Variants in PRDM2 observed in about 807,000 individuals in gnomAD.
The protein encoded by PRDM2 is PR/SET domain 2.
In PRDM2, 30 loss-of-function variants were observed where a neutral mutation model predicts 130.0. That is an observed-to-expected ratio of 0.23 (90% CI 0.17 to 0.31). PRDM2 has a LOEUF of 0.31. PRDM2 is among the 10% of genes least tolerant of loss of function. The pLI is 1.00. For synonymous variants in PRDM2, 871 were observed against 782.4 expected (o/e 1.11, Z -1.89); for missense variants, 2,011 against 2,108.4 (o/e 0.95, Z 0.90).
intron 4 of PRDM2, among the ~76,000 whole-genome samples, chr1:13,735,679 A>G (rs991140138): frequency 2.0e-5 from 3 of 152,184 alleles, no homozygotes; most frequent in African/African-American, 7.2e-5. Context: ...ATCCTACAGC[A>G]GAGCGGGGCA....
chr1:13,709,149 G>GTT (rs763989286), intron 1 of PRDM2, among the ~76,000 whole-genome samples: 4 of 142,526 alleles, frequency 2.8e-5, no homozygotes, highest in Non-Finnish European at 3.1e-5. Context: ...GAAGTTTACA[G>GTT]TTTTTTTTTT....
At chr1:13,752,758 A>G (rs1643871735) in intron 6 of PRDM2, among the ~76,000 whole-genome samples, 1 of 152,218 alleles carries the variant, frequency 6.6e-6, no homozygotes, top group Non-Finnish European at 1.5e-5. Context: ...AGTGGAAGGA[A>G]TGAAAAAGAC....
At chr1:13,711,084 CAAAAA>C (rs55784865) in intron 1 of PRDM2, among the ~76,000 whole-genome samples, 1 of 138,190 alleles carries the variant, frequency 7.2e-6, no homozygotes, top group Non-Finnish European at 1.6e-5. Context: ...GGCTCTGTCT[CAAAAA>C]AAAAAAAAAA....
intron 8 of PRDM2, among the ~76,000 whole-genome samples, chr1:13,790,642 C>G (rs1173845357): frequency 6.6e-6 from 1 of 152,154 alleles, no homozygotes; most frequent in African/African-American, 2.4e-5. Context: ...GATGACGTGA[C>G]CGTTAAGATT....
At chr1:13,739,148 G>C (rs1438244954) in intron 4 of PRDM2, among the ~76,000 whole-genome samples, 1 of 151,412 alleles carries the variant, frequency 6.6e-6, no homozygotes, top group Non-Finnish European at 1.5e-5. Context: ...CCGTGTTCAC[G>C]CCATTCTCCT....
intron 2 of PRDM2, among the ~76,000 whole-genome samples, chr1:13,720,031 A>G (rs979922256): frequency 3.3e-5 from 5 of 152,168 alleles, no homozygotes; most frequent in African/African-American, 9.7e-5. Flanking sequence ...TCCGTCATGT[A>G]TTGCTGCCAC....
intron 8 of PRDM2, among the ~76,000 whole-genome samples, chr1:13,802,989 C>T (rs1190874963): frequency 6.6e-6 from 1 of 152,222 alleles, no homozygotes. Flanking sequence ...CGCTCCTCCA[C>T]CCTGCTGGGC....
chr1:13,816,433 C>A lies in PRDM2; in HGVS notation c.5043C>A (p.Ser1681Arg). The A allele has an allele frequency of 4.3e-6, 7 of 1,614,126 alleles. No individual in the cohort carries two copies. Among genetic ancestry groups the A allele is most frequent in the African/African-American group, 1.3e-5 (1 of 75,052 alleles). Residue 1681 changes from serine to arginine, a missense_variant, in exon 9 of 10, where the codon AGC becomes AGA. By Grantham distance (110) the Ser-to-Arg change is moderately radical. Around this residue, in one of 5 missense-constraint regions of PRDM2, gnomAD observed 410 missense variants for 395.9 expected, o/e 1.04. Coordinates refer to ENST00000311066, the MANE Select transcript of PRDM2 (RefSeq NM_001393986.1). ...TGTTCCTCTTCCTGCACAGCTACAG[C>A]CTCCGCTTGGCGTCCCGATGCTCTC... is the stretch of plus-strand genomic sequence containing the variant. The part of the protein sequence containing the change: ...AKQELKDFSY[S>R]LRLASRCSPP...
chr1:13,788,993 T>C (rs996195359), intron 8 of PRDM2, among the ~76,000 whole-genome samples: 7 of 152,118 alleles, frequency 4.6e-5, no homozygotes, highest in Non-Finnish European at 4.4e-5. Flanking sequence ...GGAGATCTTT[T>C]CTCCTGGATC....
intron 8 of PRDM2, among the ~76,000 whole-genome samples, chr1:13,789,194 T>TA (rs1184845295): frequency 1.3e-5 from 2 of 152,204 alleles, no homozygotes; most frequent in Non-Finnish European, 2.9e-5. Flanking sequence ...TCTTCTTTGA[T>TA]AGAGTTAAAC....
chr1:13,735,534 TTTC>T (rs1164684680), intron 4 of PRDM2, among the ~76,000 whole-genome samples: 1 of 152,230 alleles, frequency 6.6e-6, no homozygotes, highest in Admixed American at 6.5e-5. Flanking sequence ...TTTTTTTTCT[TTTC>T]TTCTTTTTCT....
At chr1:13,811,495 G>T (rs1645172791) in intron 8 of PRDM2, among the ~76,000 whole-genome samples, 1 of 152,216 alleles carries the variant, frequency 6.6e-6, no homozygotes, top group East Asian at 1.9e-4. Context: ...ACAGGGGCCG[G>T]GCCTGGGGAG....
At chr1:13,792,389 C>G (rs569594019) in intron 8 of PRDM2, among the ~76,000 whole-genome samples, 4 of 152,092 alleles carry the variant, frequency 2.6e-5, no homozygotes, top group Non-Finnish European at 5.9e-5. Context: ...TTGAATTTGT[C>G]GTAGCATTTA....
Position 13,823,223 on chromosome 1 carries a change from G to A in PRDM2, c.*88G>A, listed in dbSNP as rs551432699. 12 of 1,606,296 alleles carry A rather than the reference G, an allele frequency of 7.5e-6. No individual in the cohort carries two copies. Among genetic ancestry groups the A allele is most frequent in the East Asian group, 2.2e-5 (1 of 44,792 alleles). ...GGCAGTCTGCCCTGCAGGGAGTACC[G>A]ACCTATCCCAGTTGTGTGAGGCTGC... On this transcript the variant is annotated 3_prime_UTR_variant, in exon 10 of 10. Coordinates refer to ENST00000311066, the MANE Select transcript of PRDM2 (RefSeq NM_001393986.1).
chr1:13,711,184 C>T (rs986451447), intron 1 of PRDM2, among the ~76,000 whole-genome samples: 23 of 152,044 alleles, frequency 1.5e-4, no homozygotes, highest in Non-Finnish European at 3.2e-4. Flanking sequence ...TTGATCATTC[C>T]GTTTCACACG....
chr1:13,785,781 A>G lies in PRDM2; in HGVS notation c.5036+2950A>G, dbSNP rs1215364570. ...AGGGAAGGAAAGAGGTGTATTCTCTACTCACCTCCTACTCATCTTTCACCT... is the reference window on the plus strand; with the variant it reads ...AGGGAAGGAAAGAGGTGTATTCTCTGCTCACCTCCTACTCATCTTTCACCT... On this transcript the variant is annotated intron_variant, in intron 8 of 9. Coordinates refer to ENST00000311066, the MANE Select transcript of PRDM2 (RefSeq NM_001393986.1). Among the ~76,000 whole-genome samples the G allele has an allele frequency of 2.9e-5, 4 of 136,890 alleles. No individual in the cohort carries two copies. The East Asian group carries it at 8.7e-4, about 30-fold the overall frequency. 89.8% of individuals were successfully genotyped at this position (136,890 alleles called of 152,430 possible).
At chr1:13,737,652 T>C (rs1317794183) in intron 4 of PRDM2, among the ~76,000 whole-genome samples, 1 of 152,214 alleles carries the variant, frequency 6.6e-6, no homozygotes, top group African/African-American at 2.4e-5. Flanking sequence ...TAGAAACAGA[T>C]GAGCCAATTA....
At chr1:13,731,866 C>G (rs2100473695) in intron 3 of PRDM2, among the ~76,000 whole-genome samples, 1 of 152,078 alleles carries the variant, frequency 6.6e-6, no homozygotes, top group South Asian at 2.1e-4. Context: ...TTTAAAAATT[C>G]TCATTGGAAA....
intron 6 of PRDM2, among the ~76,000 whole-genome samples, chr1:13,753,590 G>A (rs934974185): frequency 2.0e-5 from 3 of 152,152 alleles, no homozygotes; most frequent in African/African-American, 7.2e-5. Context: ...AAAATATAGG[G>A]AGGTAAGACA....
Sources: gnomAD v4.1 joint callset for allele counts (sites outside exome capture counted in the v4.1 genomes callset) on GRCh38, gnomAD v4.1.1 for gene constraint, gnomAD v4.1.1 regional missense constraint, MANE v1.5 for transcripts, NCBI Gene and HGNC (gene_info 2026-07-23, HGNC 2026-07-21) for gene names.